PRKG1: variants seen among roughly 807,000 people sequenced by gnomAD.
The protein encoded by PRKG1 is protein kinase cGMP-dependent 1.
In PRKG1, 35 loss-of-function variants were observed where a neutral mutation model predicts 88.1. That is an observed-to-expected ratio of 0.40 (90% CI 0.30 to 0.53). PRKG1 has a LOEUF of 0.53. PRKG1 is among the 20% of genes least tolerant of loss of function. The pLI is 0.59. For synonymous variants in PRKG1, 303 were observed against 292.5 expected (o/e 1.04, Z -0.37); for missense variants, 540 against 839.8 (o/e 0.64, Z 4.41).
At chr10:51,138,155 G>A (rs1845731832) in intron 1 of PRKG1, among the ~76,000 whole-genome samples, 1 of 152,100 alleles carries the variant, frequency 6.6e-6, no homozygotes. Flanking sequence ...TGAACATAAG[G>A]AATAAATAAT....
chr10:51,827,538 A>T (rs1207996470), intron 4 of PRKG1, among the ~76,000 whole-genome samples: 2 of 152,064 alleles, frequency 1.3e-5, no homozygotes, highest in Non-Finnish European at 2.9e-5. Context: ...CTAAATTCCA[A>T]ACTGGGTTTA....
rs138816294 is a variant in PRKG1, at chr10:51,859,837, A to G, written c.699-47670A>G. 1.7e-3 allele frequency among the ~76,000 whole-genome samples: 265 copies of G among 152,226 alleles called. 2 individuals are homozygous for G. Among genetic ancestry groups the G allele is most frequent in the African/African-American group, 6.0e-3 (250 of 41,536 alleles). On this transcript the variant is annotated intron_variant, in intron 4 of 17. Coordinates refer to ENST00000373980, the MANE Select transcript of PRKG1 (RefSeq NM_006258.4). ...TTGAATCGCTGTTCCAATACTTTTC[A>G]TTGTGAGGTGTGGTAATTTTCATAT...
intron 8 of PRKG1, among the ~76,000 whole-genome samples, chr10:52,143,257 A>G (rs1342995677): frequency 6.6e-6 from 1 of 152,028 alleles, no homozygotes; most frequent in African/African-American, 2.4e-5. Context: ...TGAGAGTTAC[A>G]CCTTGTTATA....
intron 3 of PRKG1, among the ~76,000 whole-genome samples, chr10:51,730,504 C>T (rs1842246728): frequency 6.6e-6 from 1 of 152,014 alleles, no homozygotes; most frequent in African/African-American, 2.4e-5. Context: ...TCTTTCTTTT[C>T]CCCCCTGGCT....
At chr10:51,300,154 T>C (rs1045443999) in intron 2 of PRKG1, among the ~76,000 whole-genome samples, 1 of 152,234 alleles carries the variant, frequency 6.6e-6, no homozygotes, top group African/African-American at 2.4e-5. Context: ...TATTTGAAGA[T>C]GACCTTATAG....
intron 3 of PRKG1, among the ~76,000 whole-genome samples, chr10:51,768,685 A>G (rs572746897): frequency 6.6e-6 from 1 of 152,224 alleles, no homozygotes; most frequent in South Asian, 2.1e-4. Context: ...AGGAAGGTAT[A>G]ATGTATTTAA....
At chr10:51,921,523 G>A (rs1466343244) in intron 5 of PRKG1, among the ~76,000 whole-genome samples, 1 of 152,058 alleles carries the variant, frequency 6.6e-6, no homozygotes, top group Non-Finnish European at 1.5e-5. Flanking sequence ...GTTTCTCACT[G>A]TTAAGTATGT....
At chr10:51,987,409 G>A (rs570064707) in intron 5 of PRKG1, among the ~76,000 whole-genome samples, 1 of 151,168 alleles carries the variant, frequency 6.6e-6, no homozygotes, top group South Asian at 2.1e-4. Flanking sequence ...TGTTCTATAC[G>A]TGGTAGAAGC....
chr10:51,655,768 G>T (rs1360245006), intron 3 of PRKG1, among the ~76,000 whole-genome samples: 3 of 152,076 alleles, frequency 2.0e-5, no homozygotes. Flanking sequence ...TATTCTTTCA[G>T]ATCATTCCCT....
chr10:51,247,247 A>G (rs1301115081), intron 2 of PRKG1, among the ~76,000 whole-genome samples: 7 of 152,002 alleles, frequency 4.6e-5, no homozygotes, highest in Non-Finnish European at 1.0e-4. Flanking sequence ...TGATTCAAGT[A>G]TACTGACAGT....
intron 5 of PRKG1, among the ~76,000 whole-genome samples, chr10:51,919,222 A>T (rs1937682): frequency 0.22 from 33,096 of 152,074 alleles, 4,302 homozygotes; most frequent in East Asian, 0.49. Context: ...TTCCTGGTAG[A>T]TAAGGCTCTG....
intron 2 of PRKG1, among the ~76,000 whole-genome samples, chr10:51,232,293 A>G (rs1227023148): frequency 2.0e-5 from 3 of 152,168 alleles, no homozygotes; most frequent in Non-Finnish European, 4.4e-5. Flanking sequence ...TTTTAATGAG[A>G]GACAGATTAA....
intron 2 of PRKG1, among the ~76,000 whole-genome samples, chr10:51,203,224 C>A (rs188728142): frequency 2.6e-5 from 4 of 152,248 alleles, no homozygotes; most frequent in Admixed American, 2.0e-4. Context: ...TTATAAAATG[C>A]ACACACTGAG....
intron 5 of PRKG1, among the ~76,000 whole-genome samples, chr10:51,943,441 T>A (rs1157104303): frequency 2.0e-5 from 3 of 152,048 alleles, no homozygotes. Flanking sequence ...TGAATACCTT[T>A]TATTTCCTTC....
At chr10:51,625,605 C>T (rs1265589163) in intron 3 of PRKG1, among the ~76,000 whole-genome samples, 1 of 151,872 alleles carries the variant, frequency 6.6e-6, no homozygotes, top group African/African-American at 2.4e-5. Flanking sequence ...TGTTCCAAAA[C>T]TGGATTTTGT....
intron 3 of PRKG1, among the ~76,000 whole-genome samples, chr10:51,720,555 G>A (rs537997651): frequency 5.3e-5 from 8 of 152,114 alleles, no homozygotes; most frequent in Non-Finnish European, 1.2e-4. Flanking sequence ...TGCACTTTGG[G>A]AAGCTGATGC....
At chr10:52,037,908 G>A (rs1015959084) in intron 5 of PRKG1, among the ~76,000 whole-genome samples, 2 of 152,154 alleles carry the variant, frequency 1.3e-5, no homozygotes, top group Non-Finnish European at 2.9e-5. Flanking sequence ...TGAGGGGACA[G>A]GCGGGAGGGA....
chr10:52,095,359 C>T (rs1462508273), intron 7 of PRKG1, among the ~76,000 whole-genome samples: 1 of 152,120 alleles, frequency 6.6e-6, no homozygotes, highest in East Asian at 1.9e-4. Flanking sequence ...TGCCCAGTGC[C>T]CTTATCCCTA....
At chr10:51,302,721 A>G (rs1011041172) in intron 2 of PRKG1, 1 of 152,166 alleles carries the variant, frequency 6.6e-6, no homozygotes, top group Non-Finnish European at 1.5e-5. Flanking sequence ...TTATTTCATT[A>G]CCTAACAAAC....
Sources: gnomAD v4.1 joint callset for allele counts (sites outside exome capture counted in the v4.1 genomes callset) on GRCh38, gnomAD v4.1.1 for gene constraint, MANE v1.5 for transcripts, NCBI Gene and HGNC (gene_info 2026-07-23, HGNC 2026-07-21) for gene names.